The following DPP6 variants were observed in gnomAD, a reference collection of about 807,000 sequenced individuals.
DPP6 encodes A-type potassium channel modulatory protein DPP6.
Under a neutral mutation model 122.6 loss-of-function variants are expected in DPP6, and 69 were observed. The ratio of observed to expected loss-of-function variants is 0.56; its 90% confidence interval spans 0.46 to 0.69. The LOEUF (loss-of-function observed/expected upper bound fraction) is 0.69. Ranked by LOEUF, DPP6 falls within the 30% of genes least tolerant of loss-of-function variation. The pLI, the probability that DPP6 is intolerant of heterozygous loss-of-function variation, is 0.00. For synonymous variants in DPP6, 418 were observed against 433.1 expected, an observed-to-expected ratio of 0.97 and a Z score of 0.43; for missense variants, 928 against 1,116.9, an observed-to-expected ratio of 0.83 and a Z score of 2.41.
intron 3 of DPP6, among the ~76,000 whole-genome samples, chr7:154,484,998 A>AG (rs1823661386): frequency 6.6e-6 from 1 of 151,986 alleles, no homozygotes; most frequent in South Asian, 2.1e-4. Flanking sequence ...GGTTAGGTAG[A>AG]GGGGGGAATT....
chr7:154,724,283 C>T (rs1411631379), intron 7 of DPP6, among the ~76,000 whole-genome samples: 1 of 152,148 alleles, frequency 6.6e-6, no homozygotes, highest in Admixed American at 6.5e-5. Context: ...TAATATCTTC[C>T]AGTGTACCCC....
chr7:154,017,727 T>TAA (rs61261080), intron 1 of DPP6, among the ~76,000 whole-genome samples: 144 of 109,450 alleles, frequency 1.3e-3, no homozygotes, highest in Non-Finnish European at 1.7e-3. Flanking sequence ...AATAAAAAAA[T>TAA]AAAAAAAAAA....
chr7:154,752,943 G>C lies in DPP6; in HGVS notation c.884-16474G>C, dbSNP rs948562467. 3.3e-5 allele frequency among the ~76,000 whole-genome samples: 5 copies of C among 152,282 alleles called. 1 individual carries two copies. Among genetic ancestry groups the C allele is most frequent in the African/African-American group, 1.2e-4 (5 of 41,552 alleles). On this transcript the variant is annotated intron_variant, in intron 8 of 25. Coordinates refer to ENST00000377770, the MANE Select transcript of DPP6 (RefSeq NM_130797.4). ...CTGTTCCCCTTGAGCCATTTATTGA[G>C]CACCTGCTGTGTGCCATGCCCTGTG...
At chr7:154,127,631 A>ACACACACACG (rs1490857492) in intron 1 of DPP6, among the ~76,000 whole-genome samples, 34 of 103,808 alleles carry the variant, frequency 3.3e-4, no homozygotes, top group Admixed American at 1.0e-3. Flanking sequence ...ACACACACAC[A>ACACACACACG]CAGACACACA....
chr7:154,408,329 A>G (rs1046666636), intron 1 of DPP6, among the ~76,000 whole-genome samples: 1 of 152,204 alleles, frequency 6.6e-6, no homozygotes, highest in Non-Finnish European at 1.5e-5. Flanking sequence ...AATGTCACTG[A>G]TTACCTGCTT....
chr7:153,813,241 T>G, the DPP6 span, among the ~76,000 whole-genome samples: 1 of 151,304 alleles, frequency 6.6e-6, no homozygotes, highest in Non-Finnish European at 1.5e-5. Context: ...GCGTTCTCAT[T>G]GTTCAGTTCC....
At chr7:154,436,724 A>G (rs1174660928) in intron 1 of DPP6, among the ~76,000 whole-genome samples, 1 of 152,200 alleles carries the variant, frequency 6.6e-6, no homozygotes, top group Non-Finnish European at 1.5e-5. Flanking sequence ...GAGGACAGCC[A>G]GTACCCCGCA....
At chr7:154,093,459 CCAT>C (rs1805034153) in intron 1 of DPP6, among the ~76,000 whole-genome samples, 1 of 120,660 alleles carries the variant, frequency 8.3e-6, no homozygotes, top group African/African-American at 3.4e-5. Context: ...ACCACACACA[CCAT>C]ATACCACATC....
At position 154,618,466 on chromosome 7, in the gene DPP6, G is replaced by C. The variant is rs1008252464; in HGVS notation, c.628-19355G>C. 6.6e-6 allele frequency among the ~76,000 whole-genome samples: 1 copy of C among 152,266 alleles called. No individual in the cohort carries two copies. The highest frequency in any genetic ancestry group is 6.5e-5 in the Admixed American group (1 of 15,306). ...TTCCCCTTTGTCTTGTTAGACCATT[G>C]ATTTCCTTTAGAAGATCAAAATCAG... On this transcript the variant is annotated intron_variant, in intron 5 of 25. Coordinates refer to ENST00000377770, the MANE Select transcript of DPP6 (RefSeq NM_130797.4). This position sits in a 1 kb window ranked among gnomAD's most constrained non-coding sequence, Gnocchi z 4.1.
intron 1 of DPP6, among the ~76,000 whole-genome samples, chr7:153,958,324 T>C (rs1795163298): frequency 6.6e-6 from 1 of 152,224 alleles, no homozygotes; most frequent in Non-Finnish European, 1.5e-5. Flanking sequence ...ATTTTTCCAA[T>C]GTTGTCCTGA....
chr7:154,686,697 T>G (rs968773111), intron 7 of DPP6, among the ~76,000 whole-genome samples: 3 of 152,198 alleles, frequency 2.0e-5, no homozygotes, highest in Non-Finnish European at 4.4e-5. Context: ...TGCAGAGCCC[T>G]TTCAGAGCTG....
At chr7:154,063,298 T>TGC (rs1802328741) in intron 1 of DPP6, among the ~76,000 whole-genome samples, 3 of 110,024 alleles carry the variant, frequency 2.7e-5, no homozygotes, top group African/African-American at 3.4e-5. Context: ...GGACCCCCCA[T>TGC]GAGGCGGGGA....
the DPP6 span, among the ~76,000 whole-genome samples, chr7:153,865,314 T>A: frequency 6.6e-6 from 1 of 152,182 alleles, no homozygotes; most frequent in Non-Finnish European, 1.5e-5. Context: ...ACCACAGATA[T>A]TTTTTGTTGA....
intron 6 of DPP6, among the ~76,000 whole-genome samples, chr7:154,648,403 C>A (rs1836646266): frequency 6.6e-6 from 1 of 152,162 alleles, no homozygotes; most frequent in Non-Finnish European, 1.5e-5. Flanking sequence ...CCTCCTCTCT[C>A]CCCTGTGCTC....
intron 1 of DPP6, among the ~76,000 whole-genome samples, chr7:154,365,254 C>G (rs1563550249): frequency 6.6e-6 from 1 of 152,224 alleles, no homozygotes; most frequent in Non-Finnish European, 1.5e-5. Context: ...GCTAGGCAGT[C>G]ACACTTCCCC....
At chr7:153,950,163 G>C (rs1043652644) in intron 1 of DPP6, among the ~76,000 whole-genome samples, 1 of 152,158 alleles carries the variant, frequency 6.6e-6, no homozygotes, top group Non-Finnish European at 1.5e-5. Flanking sequence ...GGTTTACCTG[G>C]GGACAGGGTA....
intron 6 of DPP6, among the ~76,000 whole-genome samples, chr7:154,639,285 C>T (rs1184873144): frequency 1.3e-5 from 2 of 152,082 alleles, no homozygotes; most frequent in Non-Finnish European, 2.9e-5. Flanking sequence ...CAAAGATGGC[C>T]CAAGTTGCAA....
intron 5 of DPP6, among the ~76,000 whole-genome samples, chr7:154,633,523 A>G (rs941917868): frequency 6.6e-5 from 10 of 152,248 alleles, no homozygotes; most frequent in African/African-American, 2.2e-4. Context: ...GGCGTGAGCC[A>G]CCACTCCTGG....
chr7:153,798,200 C>T, the DPP6 span, among the ~76,000 whole-genome samples: 2 of 152,132 alleles, frequency 1.3e-5, no homozygotes, highest in African/African-American at 2.4e-5. Flanking sequence ...TTCATGACCT[C>T]GTCTATACCT....
Sources: gnomAD v4.1 joint callset for allele counts (sites outside exome capture counted in the v4.1 genomes callset) on GRCh38, gnomAD v4.1.1 for gene constraint, Gnocchi (gnomAD v3.1) non-coding constraint, MANE v1.5 for transcripts, NCBI Gene and HGNC (gene_info 2026-07-23, HGNC 2026-07-21) for gene names.